Variants in AXDND1 observed in about 807,000 individuals in gnomAD.
AXDND1 encodes axonemal dynein light chain domain containing 1.
In AXDND1, 110 loss-of-function variants were observed where a neutral mutation model predicts 137.5. The observed-to-expected ratio is 0.80, with a 90% CI of 0.69 to 0.94. The LOEUF (loss-of-function observed/expected upper bound fraction) is 0.94, where lower values mean the gene tolerates loss of function less well. AXDND1 is among the 40% of genes least tolerant of loss of function. AXDND1 has a pLI of 0.00. For synonymous variants in AXDND1, 414 were observed against 399.7 expected, an observed-to-expected ratio of 1.04 and a Z score of -0.43; for missense variants, 1,191 against 1,169.8, an observed-to-expected ratio of 1.02 and a Z score of -0.26.
intron 18 of AXDND1, among the ~76,000 whole-genome samples, chr1:179,489,903 C>T (rs1666678013): frequency 6.6e-6 from 1 of 151,996 alleles, no homozygotes; most frequent in South Asian, 2.1e-4. Context: ...CACCACCCCG[C>T]CCGACTAATT....
At chr1:179,492,731 G>A (rs1355007814) in intron 19 of AXDND1, 124 bp from the exon 20 acceptor site, 6 of 599,518 alleles carry the variant, frequency 1.0e-5, no homozygotes, top group Middle Eastern at 4.6e-4. Flanking sequence ...AATTATTATG[G>A]TGAACTTCCA....
chr1:179,379,527 C>T (rs376773122), intron 6 of AXDND1, 45 bp downstream of exon 6: 18 of 1,601,106 alleles, frequency 1.1e-5, no homozygotes, highest in Non-Finnish European at 1.5e-5. Flanking sequence ...AGCTCGGTGG[C>T]CCATGCCTGT....
At chr1:179,372,196 C>G (rs1388341285) in intron 4 of AXDND1, among the ~76,000 whole-genome samples, 1 of 152,132 alleles carries the variant, frequency 6.6e-6, no homozygotes, top group Non-Finnish European at 1.5e-5. Context: ...AAATATAAAA[C>G]AGCAAAGCAA....
intron 12 of AXDND1, among the ~76,000 whole-genome samples, chr1:179,415,791 A>C (rs562589843): frequency 1.3e-5 from 2 of 150,948 alleles, no homozygotes; most frequent in Admixed American, 6.6e-5. Context: ...TGCAACCTCC[A>C]CCTCCCGGGT....
At chr1:179,534,562 C>T (rs1354629468) in intron 24 of AXDND1, 168 bp from the exon 25 acceptor site, 5 of 690,318 alleles carry the variant, frequency 7.2e-6, no homozygotes, top group East Asian at 3.1e-5. Context: ...CATTCAGAGT[C>T]GCTCCTGGGC....
At chr1:179,369,052 A>G (rs1667759676) in intron 3 of AXDND1, 80 bp downstream of exon 3, 8 of 1,325,020 alleles carry the variant, frequency 6.0e-6, no homozygotes, top group South Asian at 4.3e-5. Context: ...TATTATGCAC[A>G]TATTATATAT....
intron 16 of AXDND1, chr1:179,456,828 T>C: frequency 1.3e-6 from 1 of 799,622 alleles, no homozygotes; most frequent in East Asian, 2.4e-5. Flanking sequence ...GTTGTGGCCA[T>C]TCACAGTATG....
intron 17 of AXDND1, among the ~76,000 whole-genome samples, chr1:179,481,633 C>G (rs1292417140): frequency 6.6e-6 from 1 of 152,204 alleles, no homozygotes; most frequent in Admixed American, 6.5e-5. Flanking sequence ...TCCCCACATC[C>G]TCTCCAGCAC....
intron 21 of AXDND1, among the ~76,000 whole-genome samples, chr1:179,512,767 A>C (rs2125649472): frequency 6.6e-6 from 1 of 152,080 alleles, no homozygotes; most frequent in East Asian, 1.9e-4. Flanking sequence ...TTCCTTATAG[A>C]GGTCTTTTGC....
chr1:179,554,635 T>C lies in AXDND1; in HGVS notation c.*116T>C. 2 of 1,490,774 alleles carry C rather than the reference T, an allele frequency of 1.3e-6. No individual in the cohort carries two copies. Among genetic ancestry groups the C allele is most frequent in the South Asian group, 2.3e-5 (2 of 87,956 alleles). 92.3% of individuals were successfully genotyped at this position (1,490,774 alleles called of 1,614,324 possible). ...TCTGTACTAAGGAACAACATTCCCT[T>C]TGAAAGGACATTATTTGCCTGTTGT... On this transcript the variant is annotated 3_prime_UTR_variant, in exon 26 of 26. Coordinates refer to ENST00000367618, the MANE Select transcript of AXDND1 (RefSeq NM_144696.6).
intron 17 of AXDND1, among the ~76,000 whole-genome samples, chr1:179,476,556 G>T (rs369303474): frequency 5.5e-4 from 83 of 150,534 alleles, no homozygotes; most frequent in South Asian, 1.5e-3. Flanking sequence ...AAATTCTTCG[G>T]TTTTTTTTTT....
intron 11 of AXDND1, among the ~76,000 whole-genome samples, chr1:179,400,928 GAAAAAA>G (rs1224121493): frequency 1.3e-5 from 1 of 77,294 alleles, no homozygotes; most frequent in Non-Finnish European, 2.7e-5. Flanking sequence ...AAAAAAAAAA[GAAAAAA>G]AAAAGGACAC....
intron 12 of AXDND1, among the ~76,000 whole-genome samples, chr1:179,424,498 G>A (rs1656269007): frequency 6.9e-6 from 1 of 144,060 alleles, no homozygotes; most frequent in African/African-American, 2.6e-5. Flanking sequence ...CATGATCTCT[G>A]CTCACTGCAA....
At position 179,377,297 on chromosome 1, in the gene AXDND1, C is replaced by CT. The variant is rs1388455760; in HGVS notation, c.375-1335dup. Among the ~76,000 whole-genome samples, 3 of 152,144 alleles carry CT rather than the reference C, an allele frequency of 2.0e-5. No individual in the cohort carries two copies. In the East Asian group the frequency reaches 5.8e-4, roughly 29 times the overall value. On this transcript the variant is annotated intron_variant, in intron 4 of 25. Coordinates refer to ENST00000367618, the MANE Select transcript of AXDND1 (RefSeq NM_144696.6). ...AGAATCAGTTCCATGAGGGTAGGAA[C>CT]TTTTTATTTGCTTTTTTCACTATTA...
At chr1:179,492,229 G>A (rs1168581538) in intron 19 of AXDND1, among the ~76,000 whole-genome samples, 1 of 151,918 alleles carries the variant, frequency 6.6e-6, no homozygotes, top group South Asian at 2.1e-4. Flanking sequence ...CATGCACCAC[G>A]ATGCCTGGGT....
intron 16 of AXDND1, among the ~76,000 whole-genome samples, chr1:179,459,828 T>G (rs1216645211): frequency 7.0e-6 from 1 of 142,366 alleles, no homozygotes; most frequent in African/African-American, 2.7e-5. Flanking sequence ...TCTCTTTTTC[T>G]TTTCTTTTCT....
Position 179,533,882 on chromosome 1 carries a change from G to A in AXDND1, c.2798+5G>A, listed in dbSNP as rs754578232. 15 of 1,610,352 alleles carry A rather than the reference G, an allele frequency of 9.3e-6. No homozygotes were observed. Among genetic ancestry groups the A allele is most frequent in the Non-Finnish European group, 1.2e-5 (14 of 1,177,088 alleles). ...ACATATGCAGGAGAAGTTACTGTAA[G>A]TATGAGTCAACACAATGGTAAGAGG... On this transcript the variant is annotated splice_donor_5th_base_variant and intron_variant, in intron 24 of 25. Coordinates refer to ENST00000367618, the MANE Select transcript of AXDND1 (RefSeq NM_144696.6).
intron 20 of AXDND1, among the ~76,000 whole-genome samples, chr1:179,499,185 A>G (rs1487061543): frequency 6.6e-6 from 1 of 152,158 alleles, no homozygotes; most frequent in Non-Finnish European, 1.5e-5. Context: ...AAAACTGGAA[A>G]CAACCTAAAT....
chr1:179,415,844 A>C (rs1446323175), intron 12 of AXDND1, among the ~76,000 whole-genome samples: 1 of 152,098 alleles, frequency 6.6e-6, no homozygotes, highest in African/African-American at 2.4e-5. Context: ...AGCAGGGTAC[A>C]TCTTATAATT....
Sources: allele counts gnomAD v4.1 joint callset (sites outside exome capture counted in the v4.1 genomes callset), GRCh38; gene constraint gnomAD v4.1.1; transcripts MANE v1.5; gene names NCBI Gene and HGNC (gene_info 2026-07-23, HGNC 2026-07-21).